SIAH3: variants seen among roughly 807,000 people sequenced by gnomAD.
SIAH3 encodes siah E3 ubiquitin protein ligase family member 3.
A neutral mutation model predicts 12.6 loss-of-function variants in SIAH3; 9 were observed. That is an observed-to-expected ratio of 0.72 (90% CI 0.43 to 1.25). SIAH3 has a LOEUF of 1.25. Ranked by LOEUF, SIAH3 falls within the 50% of genes most tolerant of loss-of-function variation. The probability of loss-of-function intolerance (pLI) is 0.00; values close to 1 mark genes in which losing one functional copy is unlikely to be tolerated. For synonymous variants in SIAH3, 154 were observed against 151.1 expected (o/e 1.02, Z -0.14); for missense variants, 390 against 365.4 (o/e 1.07, Z -0.55).
chr13:45,847,930 A>C (rs1950766140), intron 1 of SIAH3, among the ~76,000 whole-genome samples: 1 of 151,964 alleles, frequency 6.6e-6, no homozygotes, highest in Non-Finnish European at 1.5e-5. Context: ...ACAGGGACTG[A>C]CCGCTCCTCC....
At chr13:45,836,169 T>A (rs1255106899) in intron 1 of SIAH3, among the ~76,000 whole-genome samples, 1 of 152,110 alleles carries the variant, frequency 6.6e-6, no homozygotes, top group African/African-American at 2.4e-5. Flanking sequence ...GGGTCAAGGA[T>A]TAGCAGGAAA....
chr13:45,820,665 C>T (rs1172674638), intron 1 of SIAH3, among the ~76,000 whole-genome samples: 4 of 152,142 alleles, frequency 2.6e-5, no homozygotes, highest in African/African-American at 9.7e-5. Context: ...CCTCCTTTTC[C>T]ACCAGCCTCC....
intron 1 of SIAH3, among the ~76,000 whole-genome samples, chr13:45,828,856 G>A (rs1200854213): frequency 6.6e-6 from 1 of 152,126 alleles, no homozygotes; most frequent in Admixed American, 6.5e-5. Flanking sequence ...ACCCATGTGT[G>A]GTTTAAAAGG....
At chr13:45,850,612 A>G (rs1303475302) in intron 1 of SIAH3, among the ~76,000 whole-genome samples, 1 of 150,702 alleles carries the variant, frequency 6.6e-6, no homozygotes, top group African/African-American at 2.4e-5. Context: ...CCTCCTCCCT[A>G]CTACCCCTAA....
chr13:45,813,291 C>T (rs1566091910), intron 1 of SIAH3, among the ~76,000 whole-genome samples: 1 of 152,216 alleles, frequency 6.6e-6, no homozygotes, highest in African/African-American at 2.4e-5. Context: ...GTCTGTGATG[C>T]TGTCATGCAG....
intron 1 of SIAH3, among the ~76,000 whole-genome samples, chr13:45,801,095 C>T (rs376522364): frequency 8.8e-6 from 1 of 114,124 alleles, no homozygotes; most frequent in Non-Finnish European, 1.9e-5. Flanking sequence ...TGATGGGTGG[C>T]GGGGGGGGGC....
intron 1 of SIAH3, among the ~76,000 whole-genome samples, chr13:45,787,069 C>A (rs1035392287): frequency 6.6e-6 from 1 of 152,008 alleles, no homozygotes; most frequent in African/African-American, 2.4e-5. Context: ...CAGTGCCTTC[C>A]ATTGGTGAAA....
intron 1 of SIAH3, among the ~76,000 whole-genome samples, chr13:45,841,259 G>A (rs1950739103): frequency 6.6e-6 from 1 of 152,190 alleles, no homozygotes; most frequent in Admixed American, 6.5e-5. Context: ...GCTGGCAGGT[G>A]GCTAGGCTTG....
At chr13:45,836,355 C>A (rs903639835) in intron 1 of SIAH3, among the ~76,000 whole-genome samples, 3 of 152,156 alleles carry the variant, frequency 2.0e-5, no homozygotes, top group Non-Finnish European at 2.9e-5. Flanking sequence ...AGTGCATATA[C>A]GCCATGGAAT....
intron 1 of SIAH3, among the ~76,000 whole-genome samples, chr13:45,838,781 G>T (rs764720478): frequency 3.3e-5 from 5 of 151,726 alleles, no homozygotes; most frequent in Non-Finnish European, 7.4e-5. Flanking sequence ...TCCCTCCTTG[G>T]CTCCTGCTTG....
chr13:45,802,233 G>A (rs1015296357), intron 1 of SIAH3, among the ~76,000 whole-genome samples: 1 of 152,182 alleles, frequency 6.6e-6, no homozygotes, highest in African/African-American at 2.4e-5. Flanking sequence ...TTGAACCCGG[G>A]AGGTGGATGC....
rs1233337192 is a variant in SIAH3 at position 45,794,853 on chromosome 13, C to G, written c.136-10796G>C. On this transcript the variant is annotated intron_variant, in intron 1 of 1. Coordinates refer to ENST00000400405, the MANE Select transcript of SIAH3 (RefSeq NM_198849.3). ...GGTGTAAGCTAAGGAAATGCACTCTCCATAATTTCTAGGATCATGTATGAA... is the reference window on the plus strand; with the variant it reads ...GGTGTAAGCTAAGGAAATGCACTCTGCATAATTTCTAGGATCATGTATGAA... Among the ~76,000 whole-genome samples the G allele has an allele frequency of 5.3e-5, 8 of 152,096 alleles. No individual in the cohort carries two copies. In the East Asian group the frequency reaches 1.5e-3, roughly 29 times the overall value.
At chr13:45,829,957 G>A (rs755828192) in intron 1 of SIAH3, among the ~76,000 whole-genome samples, 6 of 152,078 alleles carry the variant, frequency 3.9e-5, no homozygotes, top group East Asian at 1.9e-4. Flanking sequence ...TAACATTTGC[G>A]AGACCCTGGG....
At chr13:45,829,749 G>A (rs180746011) in intron 1 of SIAH3, among the ~76,000 whole-genome samples, 1 of 152,158 alleles carries the variant, frequency 6.6e-6, no homozygotes, top group East Asian at 1.9e-4. Context: ...TGTCTTGCTT[G>A]TTTCCCTTTC....
intron 1 of SIAH3, among the ~76,000 whole-genome samples, chr13:45,834,936 G>A (rs533677943): frequency 3.5e-4 from 54 of 152,268 alleles, no homozygotes; most frequent in Middle Eastern, 3.4e-3. Context: ...AGAACAGGGC[G>A]TGCCTAACAC....
chr13:45,789,350 TATCTATC>T (rs1457669033), intron 1 of SIAH3, among the ~76,000 whole-genome samples: 1 of 150,646 alleles, frequency 6.6e-6, no homozygotes, highest in East Asian at 1.9e-4. Flanking sequence ...TCTATCTGTG[TATCTATC>T]ATCTATCTAT....
Position 45,848,116 on chromosome 13 carries a change from C to A in SIAH3, c.135+3379G>T, listed in dbSNP as rs139500439. ...GTGCTGAATCAGGACCAGGAGCAGG[C>A]GCCCTCATGAGCGCCAGCCTGAAGT... On this transcript the variant is annotated intron_variant, in intron 1 of 1. Transcript: ENST00000400405. 2.8e-3 allele frequency among the ~76,000 whole-genome samples: 427 copies of A among 152,264 alleles called. 2 individuals are homozygous for A. The highest frequency in any genetic ancestry group is 9.7e-3 in the African/African-American group (405 of 41,550).
At chr13:45,837,773 C>G (rs549622557) in intron 1 of SIAH3, among the ~76,000 whole-genome samples, 1 of 152,144 alleles carries the variant, frequency 6.6e-6, no homozygotes, top group Non-Finnish European at 1.5e-5. Flanking sequence ...GCAAGGTAAA[C>G]GAAGCTCAAG....
At chr13:45,819,766 C>T (rs867074868) in intron 1 of SIAH3, among the ~76,000 whole-genome samples, 1 of 152,182 alleles carries the variant, frequency 6.6e-6, no homozygotes, top group African/African-American at 2.4e-5. Context: ...CTTCGGGGAC[C>T]TAGTCTCTTC....
Sources: gnomAD v4.1 joint callset for allele counts (sites outside exome capture counted in the v4.1 genomes callset) on GRCh38, gnomAD v4.1.1 for gene constraint, MANE v1.5 for transcripts, NCBI Gene and HGNC (gene_info 2026-07-23, HGNC 2026-07-21) for gene names.